FKBP11: variants seen among roughly 807,000 people sequenced by gnomAD.
FKBP11 encodes FKBP prolyl isomerase 11.
Under a neutral mutation model 24.7 loss-of-function variants are expected in FKBP11, and 21 were observed. The observed-to-expected ratio is 0.85, with a 90% confidence interval of 0.60 to 1.23. The LOEUF is 1.23. Ranked by LOEUF, FKBP11 falls within the 50% of genes most tolerant of loss-of-function variation. The pLI, the probability that FKBP11 is intolerant of heterozygous loss-of-function variation, is 0.00. For synonymous variants in FKBP11, 106 were observed against 100.6 expected, an observed-to-expected ratio of 1.05 and a Z score of -0.32; for missense variants, 245 against 248.7, an observed-to-expected ratio of 0.99 and a Z score of 0.10.
chr12:48,923,341 T>C (rs1939878518), intron 5 of FKBP11: 1 of 1,427,220 alleles, frequency 7.0e-7, no homozygotes, highest in Non-Finnish European at 9.1e-7. Flanking sequence ...GCTTTAACAG[T>C]TGCTTTTTGT....
At chr12:48,930,904 G>A (rs1375567424), upstream of FKBP11, among the ~76,000 whole-genome samples, 10 of 151,996 alleles carry the variant, frequency 6.6e-5, no homozygotes, top group Non-Finnish European at 1.2e-4. Context: ...CGAGGCGGGC[G>A]GATCACGAGG....
upstream of FKBP11, among the ~76,000 whole-genome samples, chr12:48,927,404 T>C (rs1243766626): frequency 6.6e-6 from 1 of 152,192 alleles, no homozygotes; most frequent in South Asian, 2.1e-4. Context: ...AAATGCTCTA[T>C]ATTTTCAGAA....
At chr12:48,932,286 T>C in the FKBP11 span, among the ~76,000 whole-genome samples, 1 of 61,550 alleles carries the variant, frequency 1.6e-5, no homozygotes, top group Admixed American at 2.2e-4. Context: ...TTTTTTTTTT[T>C]TTTTCTTATA....
chr12:48,928,042 CCTTT>C (rs1395195847), upstream of FKBP11, among the ~76,000 whole-genome samples: 3 of 70,404 alleles, frequency 4.3e-5, no homozygotes, highest in Non-Finnish European at 7.9e-5. Context: ...CTGCCAGATA[CCTTT>C]TTTTTTTTTT....
chr12:48,932,590 G>A, the FKBP11 span, among the ~76,000 whole-genome samples: 1 of 152,026 alleles, frequency 6.6e-6, no homozygotes, highest in East Asian at 1.9e-4. Context: ...GCAAAGACAA[G>A]AACAGATTCC....
intron 4 of FKBP11, 125 bp from the exon 5 acceptor site, chr12:48,923,977 G>A: frequency 1.9e-6 from 2 of 1,035,898 alleles, no homozygotes; most frequent in East Asian, 2.4e-5. Flanking sequence ...TTTTCCACCT[G>A]AACACCAAAC....
upstream of FKBP11, chr12:48,925,657 C>T: frequency 5.1e-6 from 3 of 586,836 alleles, no homozygotes; most frequent in Non-Finnish European, 9.0e-6. Flanking sequence ...CAGGTTCTGA[C>T]GCATCCGTTA....
chr12:48,926,084 T>A (rs1939957557), upstream of FKBP11: 1 of 152,320 alleles, frequency 6.6e-6, no homozygotes. Context: ...AAAAGCTAGC[T>A]GAAAAGAGCA....
the FKBP11 span, chr12:48,936,594 G>A: frequency 6.6e-6 from 1 of 152,628 alleles, no homozygotes; most frequent in Non-Finnish European, 1.5e-5. Context: ...CAGATCTGGG[G>A]CAGCACCAAG....
the FKBP11 span, chr12:48,938,249 A>G: frequency 5.2e-6 from 2 of 382,020 alleles, no homozygotes; most frequent in South Asian, 1.9e-5. Flanking sequence ...CATCTGTCCT[A>G]TCATCCAGAA....
upstream of FKBP11, chr12:48,925,592 C>T (rs151002970): frequency 1.1e-4 from 102 of 920,238 alleles, no homozygotes; most frequent in Non-Finnish European, 1.2e-4. Context: ...GTCCCCACCT[C>T]CGAAAGGGAG....
At chr12:48,933,241 T>C in the FKBP11 span, among the ~76,000 whole-genome samples, 1 of 152,080 alleles carries the variant, frequency 6.6e-6, no homozygotes, top group African/African-American at 2.4e-5. Flanking sequence ...ATACCAGCAA[T>C]CAGGGTCAGG....
intron 2 of FKBP11, 32 bp downstream of exon 2, chr12:48,925,014 C>T: frequency 6.4e-7 from 1 of 1,562,254 alleles, no homozygotes; most frequent in Non-Finnish European, 8.8e-7. Context: ...CGCCCCCTCC[C>T]AGGCCCCGCC....
chr12:48,923,995 C>T (rs757638315), intron 4 of FKBP11, 143 bp from the exon 5 acceptor site: 1 of 930,712 alleles, frequency 1.1e-6, no homozygotes, highest in Non-Finnish European at 1.8e-6. Context: ...AACAGGCTGG[C>T]CAGCAAAGGT....
chr12:48,933,863 A>C, the FKBP11 span, among the ~76,000 whole-genome samples: 2 of 141,720 alleles, frequency 1.4e-5, no homozygotes, highest in Non-Finnish European at 3.1e-5. Flanking sequence ...ACTGTGTCTC[A>C]AAAAAAAAAA....
upstream of FKBP11, among the ~76,000 whole-genome samples, chr12:48,926,985 T>G (rs910325809): frequency 6.6e-6 from 1 of 152,166 alleles, no homozygotes; most frequent in Non-Finnish European, 1.5e-5. Context: ...AATTTTTGTA[T>G]TTTTAGTAGA....
upstream of FKBP11, among the ~76,000 whole-genome samples, chr12:48,926,712 C>T (rs534541803): frequency 1.1e-3 from 170 of 151,786 alleles, no homozygotes; most frequent in African/African-American, 3.9e-3. Context: ...AGGCTGGTCT[C>T]GAATTCCCAA....
upstream of FKBP11, among the ~76,000 whole-genome samples, chr12:48,927,998 C>T (rs1940001497): frequency 6.7e-6 from 1 of 148,178 alleles, no homozygotes. Flanking sequence ...CTGTAACTGG[C>T]CGTGAACAAT....
chr12:48,930,559 C>T (rs1182700719), upstream of FKBP11, among the ~76,000 whole-genome samples: 1 of 151,904 alleles, frequency 6.6e-6, no homozygotes, highest in Non-Finnish European at 1.5e-5. Context: ...TATAGCAATA[C>T]AAGGGAATGA....
Sources: allele counts gnomAD v4.1 joint callset (sites outside exome capture counted in the v4.1 genomes callset), GRCh38; gene constraint gnomAD v4.1.1; transcripts MANE v1.5; gene names NCBI Gene and HGNC (gene_info 2026-07-23, HGNC 2026-07-21).